Variants in LZTS1 observed in about 807,000 individuals in gnomAD.
The protein encoded by LZTS1 is leucine zipper putative tumor suppressor 1.
LZTS1 carries 31 observed loss-of-function variants against 45.8 expected under a neutral mutation model. That is an observed-to-expected ratio of 0.68 (90% CI 0.51 to 0.91). The LOEUF is 0.91. Ranked by LOEUF, LZTS1 falls within the 40% of genes least tolerant of loss-of-function variation. The probability of loss-of-function intolerance (pLI) is 0.00; values close to 1 mark genes in which losing one functional copy is unlikely to be tolerated. For synonymous variants in LZTS1, 359 were observed against 357.3 expected (o/e 1.00, Z -0.05); for missense variants, 821 against 788.9 (o/e 1.04, Z -0.49).
rs182010171 is a variant in LZTS1 at position 20,251,962 on chromosome 8, G to T, written c.1149+820C>A. Among the ~76,000 whole-genome samples the T allele has an allele frequency of 4.0e-3, 604 of 152,278 alleles. 5 individuals are homozygous for T. The highest frequency in any genetic ancestry group is 5.6e-3 in the South Asian group (27 of 4,830). ...GTTGTTGACTTGCACATAGCCAGGGGTTTGCGTGTAGACTGAGAGTTGGAC... is the reference window on the plus strand; with the variant it reads ...GTTGTTGACTTGCACATAGCCAGGGTTTTGCGTGTAGACTGAGAGTTGGAC... On this transcript the variant is annotated intron_variant, in intron 3 of 3. Coordinates refer to ENST00000381569, the MANE Select transcript of LZTS1 (RefSeq NM_021020.5).
chr8:20,255,151 G>C lies in LZTS1; in HGVS notation c.31C>G (p.His11Asp), dbSNP rs1161466027. The C allele has an allele frequency of 1.9e-6, 3 of 1,613,810 alleles. No individual in the cohort carries two copies. Among genetic ancestry groups the C allele is most frequent in the Non-Finnish European group, 2.5e-6 (3 of 1,179,850 alleles). ...CGGCAGTGCTTGCTGTGGAAGCTGT[G>C]GCCGGAGATGAGGCTACTGACGCTG... The part of the protein sequence containing the change: MGSVSSLISG[H>D]SFHSKHCRAS... Residue 11 changes from histidine to aspartate, a missense_variant, in exon 2 of 4, where the codon CAC becomes GAC. His to Asp is a moderately conservative substitution (Grantham distance 81). Coordinates refer to ENST00000381569, the MANE Select transcript of LZTS1 (RefSeq NM_021020.5).
intron 1 of LZTS1, among the ~76,000 whole-genome samples, chr8:20,297,071 G>A (rs991631993): frequency 2.6e-5 from 4 of 151,856 alleles, no homozygotes; most frequent in African/African-American, 9.7e-5. Flanking sequence ...TCCCCTGGGG[G>A]CAGCCTCCAT....
rs1380654011 is a variant in LZTS1 at position 20,271,042 on chromosome 8, GTC to G, written c.-134-15729_-134-15728del. ...AGGGCAGCTTTGGGTACCTGGCACT[GTC>G]TGTGTGTGCCTGAGTGTATTTTTGT... On this transcript the variant is annotated intron_variant, in intron 1 of 3. Transcript: ENST00000381569. Among the ~76,000 whole-genome samples the G allele has an allele frequency of 2.0e-5, 3 of 152,196 alleles. No individual in the cohort carries two copies. In the South Asian group the frequency reaches 6.2e-4, roughly 32 times the overall value.
intron 3 of LZTS1, among the ~76,000 whole-genome samples, chr8:20,251,537 T>A (rs2128891554): frequency 6.6e-6 from 1 of 152,270 alleles, no homozygotes; most frequent in South Asian, 2.1e-4. Context: ...CAGACTGGCC[T>A]TGGTCTCCCA....
chr8:20,262,151 T>C (rs928594340), intron 1 of LZTS1, among the ~76,000 whole-genome samples: 9 of 152,218 alleles, frequency 5.9e-5, no homozygotes, highest in African/African-American at 9.6e-5. Context: ...ATGCAAAGTG[T>C]TGTGCTGGCC....
At chr8:20,283,018 G>A (rs1033664571) in intron 1 of LZTS1, among the ~76,000 whole-genome samples, 1 of 152,166 alleles carries the variant, frequency 6.6e-6, no homozygotes, top group African/African-American at 2.4e-5. Context: ...GAGCATCCCT[G>A]GGGGCTCAGA....
rs1472443392 is a variant in LZTS1, at chr8:20,250,345, C to T, written c.1168G>A (p.Glu390Lys). The change falls in exon 4 of 4, where the codon GAG (glutamate) becomes AAG (lysine). Residue 390 changes from glutamate (E) to lysine (K), a missense_variant. By Grantham distance (56) the Glu-to-Lys change is moderately conservative. Coordinates refer to ENST00000381569, the MANE Select transcript of LZTS1 (RefSeq NM_021020.5). ...AGCTGCTGCTTCAGGAGGGAGATCTCGCCTGACTTCTGGCACACCTGCCGA... is the reference window on the plus strand; with the variant it reads ...AGCTGCTGCTTCAGGAGGGAGATCTTGCCTGACTTCTGGCACACCTGCCGA... ...TQWEVCQKSG[E>K]ISLLKQQLKE... 5 of 1,603,374 alleles carry T rather than the reference C, an allele frequency of 3.1e-6. No homozygotes were observed. The highest frequency in any genetic ancestry group is 1.7e-5 in the Admixed American group (1 of 59,534).
chr8:20,264,048 G>T (rs1324199449), intron 1 of LZTS1, among the ~76,000 whole-genome samples: 2 of 152,018 alleles, frequency 1.3e-5, no homozygotes, highest in African/African-American at 4.8e-5. Context: ...CTCCCCAGGT[G>T]GAAAATTCTC....
chr8:20,271,081 C>T (rs1800463551), intron 1 of LZTS1, among the ~76,000 whole-genome samples: 1 of 152,086 alleles, frequency 6.6e-6, no homozygotes, highest in Non-Finnish European at 1.5e-5. Flanking sequence ...TGCTCAACAG[C>T]ATGGGAGTCT....
intron 1 of LZTS1, among the ~76,000 whole-genome samples, chr8:20,268,009 C>CA (rs1800395357): frequency 6.6e-6 from 1 of 152,178 alleles, no homozygotes; most frequent in South Asian, 2.1e-4. Context: ...ATCACAGATA[C>CA]AAAAAATGCT....
At chr8:20,280,233 A>T (rs897656000) in intron 1 of LZTS1, among the ~76,000 whole-genome samples, 2 of 152,032 alleles carry the variant, frequency 1.3e-5, no homozygotes, top group African/African-American at 4.8e-5. Context: ...AGCCCACAAT[A>T]AGGGTGCACC....
chr8:20,276,888 G>A lies in LZTS1; in HGVS notation c.-134-21573C>T, dbSNP rs117729821. On this transcript the variant is annotated intron_variant, in intron 1 of 3. Coordinates refer to ENST00000381569, the MANE Select transcript of LZTS1 (RefSeq NM_021020.5). ...TTACGGTGTTAGATCAGAGGAAAAC[G>A]GTTTATTTATTAAAGGTGCTCCCAA... is the stretch of plus-strand genomic sequence containing the variant. Among the ~76,000 whole-genome samples, 728 of 152,280 alleles carry A rather than the reference G, an allele frequency of 4.8e-3. 1 individual carries two copies. Among genetic ancestry groups the A allele is most frequent in the Non-Finnish European group, 8.5e-3 (581 of 68,030 alleles).
chr8:20,270,088 G>A (rs1254247199), intron 1 of LZTS1, among the ~76,000 whole-genome samples: 1 of 152,240 alleles, frequency 6.6e-6, no homozygotes, highest in Non-Finnish European at 1.5e-5. Context: ...AAATGCGTTG[G>A]CACCAGATCA....
intron 2 of LZTS1, among the ~76,000 whole-genome samples, 159 bp downstream of exon 2, chr8:20,254,678 G>A (rs1377279389): frequency 6.6e-6 from 1 of 152,250 alleles, no homozygotes; most frequent in African/African-American, 2.4e-5. Context: ...TGATCTCTGC[G>A]GTGTGGCCAC....
At chr8:20,273,764 G>A (rs185247619) in intron 1 of LZTS1, among the ~76,000 whole-genome samples, 1 of 130,956 alleles carries the variant, frequency 7.6e-6, no homozygotes, top group African/African-American at 2.8e-5. Flanking sequence ...GAAATTAATA[G>A]ACCTGTTATA....
chr8:20,281,766 G>C (rs577764631), intron 1 of LZTS1, among the ~76,000 whole-genome samples: 1 of 152,320 alleles, frequency 6.6e-6, no homozygotes, highest in South Asian at 2.1e-4. Flanking sequence ...CCTCACCAGA[G>C]CTGAGCAGAT....
At chr8:20,300,348 T>G (rs2128900185) in intron 1 of LZTS1, among the ~76,000 whole-genome samples, 1 of 152,280 alleles carries the variant, frequency 6.6e-6, no homozygotes, top group Middle Eastern at 3.4e-3. Context: ...TTTTTTCTTT[T>G]TTGAGACGGA....
At chr8:20,286,460 G>A (rs192052522) in intron 1 of LZTS1, among the ~76,000 whole-genome samples, 129 of 152,270 alleles carry the variant, frequency 8.5e-4, no homozygotes, top group African/African-American at 2.9e-3. Flanking sequence ...AATACCTACC[G>A]CTAGGCCACT....
At chr8:20,252,013 G>A (rs368356466) in intron 3 of LZTS1, among the ~76,000 whole-genome samples, 274 of 152,282 alleles carry the variant, frequency 1.8e-3, no homozygotes, top group African/African-American at 6.1e-3. Flanking sequence ...AGGCAGGCAC[G>A]TGGACAGACC....
Sources: gnomAD v4.1 joint callset for allele counts (sites outside exome capture counted in the v4.1 genomes callset) on GRCh38, gnomAD v4.1.1 for gene constraint, MANE v1.5 for transcripts, NCBI Gene and HGNC (gene_info 2026-07-23, HGNC 2026-07-21) for gene names.